Variants in KANSL1 observed in about 807,000 individuals in gnomAD.
KANSL1 encodes MLL1/MLL complex subunit KANSL1.
In KANSL1, 22 loss-of-function variants were observed where a neutral mutation model predicts 103.6. That is an observed-to-expected ratio of 0.21 (90% CI 0.15 to 0.30). The LOEUF (loss-of-function observed/expected upper bound fraction) is 0.30. Ranked by LOEUF, KANSL1 falls within the 10% of genes least tolerant of loss-of-function variation. KANSL1 has a pLI of 1.00. For synonymous variants in KANSL1, 600 were observed against 527.6 expected, an observed-to-expected ratio of 1.14 and a Z score of -1.88; for missense variants, 1,337 against 1,399.8, an observed-to-expected ratio of 0.96 and a Z score of 0.72.
chr17:46,176,327 TC>T (rs1220466316), intron 1 of KANSL1, among the ~76,000 whole-genome samples: 3 of 152,256 alleles, frequency 2.0e-5, no homozygotes, highest in Non-Finnish European at 4.4e-5. Flanking sequence ...GTAGTAAACT[TC>T]TCAAAGTTAT....
chr17:46,076,770 T>C (rs146125153), intron 4 of KANSL1, among the ~76,000 whole-genome samples: 115 of 152,300 alleles, frequency 7.6e-4, no homozygotes, highest in African/African-American at 2.6e-3. Context: ...GTTAGATTTA[T>C]TCCTAAGTAT....
chr17:46,189,172 G>GATTA (rs1184167449), intron 1 of KANSL1, among the ~76,000 whole-genome samples: 2 of 150,058 alleles, frequency 1.3e-5, no homozygotes, highest in Non-Finnish European at 2.9e-5. Context: ...AGCGCACAAT[G>GATTA]ATTACATCTG....
chr17:46,116,541 A>C (rs1041955550), intron 2 of KANSL1, among the ~76,000 whole-genome samples: 5 of 148,186 alleles, frequency 3.4e-5, no homozygotes, highest in Non-Finnish European at 7.7e-5. Context: ...AAAAACAAAA[A>C]CCAACAACAA....
At position 46,031,460 on chromosome 17, in the gene KANSL1, G is replaced by A; in HGVS notation, c.*16C>T. On this transcript the variant is annotated 3_prime_UTR_variant, in exon 15 of 15. Coordinates refer to ENST00000432791, the MANE Select transcript of KANSL1 (RefSeq NM_015443.4). ...TGCCAATAGTTAGTGAGTCTGTTTA[G>A]ATGGCTGTCTCCCGCTCATCTGTGA... is the stretch of plus-strand genomic sequence containing the variant. The A allele has an allele frequency of 6.3e-7, 1 of 1,581,866 alleles. No individual in the cohort carries two copies. Among genetic ancestry groups the A allele is most frequent in the Non-Finnish European group, 8.6e-7 (1 of 1,158,002 alleles).
chr17:46,135,544 T>TG (rs2044091888), intron 2 of KANSL1, among the ~76,000 whole-genome samples: 4 of 28,224 alleles, frequency 1.4e-4, no homozygotes, highest in Non-Finnish European at 2.6e-4. Context: ...AACTATACAT[T>TG]TTTTTTTTTT....
chr17:46,081,752 T>C (rs559269908), intron 4 of KANSL1, among the ~76,000 whole-genome samples: 1 of 152,226 alleles, frequency 6.6e-6, no homozygotes, highest in Non-Finnish European at 1.5e-5. Flanking sequence ...CTTTATTATC[T>C]GAAGCATAAT....
chr17:46,150,039 T>A (rs373170451), intron 2 of KANSL1, among the ~76,000 whole-genome samples: 82 of 39,232 alleles, frequency 2.1e-3, no homozygotes, highest in Non-Finnish European at 3.6e-3. Context: ...AATAAATAAA[T>A]AAAAAATAAA....
At chr17:46,194,937 T>A (rs374736037), upstream of KANSL1, among the ~76,000 whole-genome samples, 4 of 152,368 alleles carry the variant, frequency 2.6e-5, no homozygotes, top group South Asian at 8.3e-4. Context: ...CTCTCAAGCA[T>A]AGTCATAGTT....
At chr17:46,105,947 A>ACACACACACC (rs1396276906) in intron 2 of KANSL1, among the ~76,000 whole-genome samples, 6 of 57,862 alleles carry the variant, frequency 1.0e-4, no homozygotes, top group Admixed American at 6.2e-4. Context: ...ACACACACAC[A>ACACACACACC]CCCCCCCAGA....
At chr17:46,209,808 T>C (rs2048099083) in intron 1 of KANSL1, among the ~76,000 whole-genome samples, 1 of 152,336 alleles carries the variant, frequency 6.6e-6, no homozygotes, top group South Asian at 2.1e-4. Flanking sequence ...CTCTGTGTTT[T>C]AAAGGCATTT....
intron 10 of KANSL1, chr17:46,034,505 A>G (rs959330602): frequency 8.7e-5 from 41 of 471,892 alleles, no homozygotes; most frequent in Non-Finnish European, 9.1e-5. Context: ...AGTCCCATTC[A>G]TAAGTCCCAC....
At chr17:46,086,528 C>T (rs1207807357) in intron 3 of KANSL1, among the ~76,000 whole-genome samples, 1 of 152,198 alleles carries the variant, frequency 6.6e-6, no homozygotes, top group Non-Finnish European at 1.5e-5. Context: ...CTAACCCATC[C>T]TTCAAAGTGC....
chr17:46,123,691 CTG>C (rs2043386383), intron 2 of KANSL1, among the ~76,000 whole-genome samples: 2 of 152,206 alleles, frequency 1.3e-5, no homozygotes, highest in South Asian at 4.1e-4. Context: ...TCCATGAAGA[CTG>C]AGAGAGGTGA....
chr17:46,191,406 C>T (rs1178357766), intron 1 of KANSL1, among the ~76,000 whole-genome samples: 1 of 152,164 alleles, frequency 6.6e-6, no homozygotes, highest in African/African-American at 2.4e-5. Context: ...CAAGTAGAGC[C>T]TATAGGAAAG....
At position 46,170,888 on chromosome 17, in the gene KANSL1, G is replaced by C. The variant is rs1597870423; in HGVS notation, c.1256C>G (p.Thr419Ser). Residue 419 changes from threonine (T) to serine (S), a missense_variant, in exon 2 of 15, where the codon ACC becomes AGC. Transcript: ENST00000432791. ...GESDIEEEEL[T>S]RADPEQRHVP... ...ATGACGCTGCTCGGGATCAGCTCTG[G>C]TCAGTTCTTCCTCTTCAATATCAGA... 1 of 1,613,232 alleles carries C rather than the reference G, an allele frequency of 6.2e-7. No individual in the cohort carries two copies. The highest frequency in any genetic ancestry group is 8.5e-7 in the Non-Finnish European group (1 of 1,179,612).
chr17:46,216,984 G>A (rs2048359521), intron 1 of KANSL1, among the ~76,000 whole-genome samples: 1 of 152,042 alleles, frequency 6.6e-6, no homozygotes. Flanking sequence ...GTGTGCACCT[G>A]TAGTCCCAGC....
intron 1 of KANSL1, among the ~76,000 whole-genome samples, chr17:46,214,890 T>C (rs1227470794): frequency 2.6e-5 from 4 of 152,218 alleles, no homozygotes; most frequent in African/African-American, 4.8e-5. Context: ...AGGTAAAAAA[T>C]AGTATGTCAT....
intron 1 of KANSL1, among the ~76,000 whole-genome samples, chr17:46,213,127 T>TA (rs35446435): frequency 0.14 from 21,466 of 151,414 alleles, 1,743 homozygotes; most frequent in East Asian, 0.46. Flanking sequence ...AAGTGCCCAG[T>TA]AAAAAAAAGT....
chr17:46,163,566 T>C (rs1597848966), intron 2 of KANSL1, among the ~76,000 whole-genome samples: 3 of 152,326 alleles, frequency 2.0e-5, no homozygotes, highest in African/African-American at 7.2e-5. Context: ...TTGTAAGGAA[T>C]ACAGAAACCT....
Sources: allele counts gnomAD v4.1 joint callset (sites outside exome capture counted in the v4.1 genomes callset), GRCh38; gene constraint gnomAD v4.1.1; transcripts MANE v1.5; gene names NCBI Gene and HGNC (gene_info 2026-07-23, HGNC 2026-07-21).